The following HAUS7 variants were observed in gnomAD, a reference collection of about 807,000 sequenced individuals.
HAUS7 encodes the protein HAUS augmin-like complex subunit 7.
Under a neutral mutation model 28.4 loss-of-function variants are expected in HAUS7, and 3 were observed. The observed-to-expected ratio is 0.11, with a 90% CI of 0.05 to 0.27. The LOEUF is 0.27. Among genes scored for constraint, HAUS7 ranks in the 10% least tolerant of loss-of-function variants. The pLI is 1.00. For synonymous variants in HAUS7, 165 were observed against 132.1 expected (o/e 1.25, Z -1.71); for missense variants, 284 against 297.3 (o/e 0.96, Z 0.33).
At chrX:153,461,931 T>G (rs1274486769) in intron 4 of HAUS7, 1 of 401,751 alleles carries the variant, frequency 2.5e-6, no homozygotes, top group Admixed American at 4.8e-5. Context: ...CCAGCCAGTG[T>G]ACATCTCACA....
chrX:153,448,868 C>G (rs1556980630), intron 9 of HAUS7, among the ~76,000 whole-genome samples: 2 of 112,810 alleles, frequency 1.8e-5, no homozygotes, highest in Non-Finnish European at 1.9e-5. Context: ...GCCCACCTGC[C>G]CCCTGCCCCC....
At chrX:153,469,681 T>C (rs1556984850) in intron 1 of HAUS7, among the ~76,000 whole-genome samples, 1 of 112,271 alleles carries the variant, frequency 8.9e-6, no homozygotes, top group Non-Finnish European at 1.9e-5. Flanking sequence ...CGTCCTGCCA[T>C]CTTGCCAAGA....
intron 9 of HAUS7, among the ~76,000 whole-genome samples, chrX:153,448,885 C>T (rs2089202804): frequency 8.9e-6 from 1 of 112,932 alleles, no homozygotes; most frequent in African/African-American, 3.2e-5. Context: ...CCCCCAAGCC[C>T]CAGGGGCAGC....
intron 1 of HAUS7, among the ~76,000 whole-genome samples, chrX:153,493,161 A>G (rs1358183340): frequency 1.8e-5 from 2 of 111,713 alleles, no homozygotes; most frequent in African/African-American, 3.3e-5. Context: ...CAAAAAGAAA[A>G]CCCATACCTT....
intron 1 of HAUS7, among the ~76,000 whole-genome samples, chrX:153,491,707 GGCAACT>G (rs782364410): frequency 6.3e-4 from 71 of 113,089 alleles, no homozygotes; most frequent in Middle Eastern, 4.6e-3. Context: ...CCTGTGCAGG[GGCAACT>G]GCCAGGGCAG....
chrX:153,450,453 C>T (rs2089225020), intron 9 of HAUS7, among the ~76,000 whole-genome samples: 1 of 112,120 alleles, frequency 8.9e-6, no homozygotes, highest in Admixed American at 9.4e-5. Flanking sequence ...TCCCTGGCAC[C>T]CCGCTGCCCC....
chrX:153,449,167 G>A (rs1034368957), intron 9 of HAUS7, among the ~76,000 whole-genome samples: 11 of 111,710 alleles, frequency 9.8e-5, no homozygotes, highest in Non-Finnish European at 1.7e-4. Context: ...CTGCCTGTCC[G>A]CTCCCCATCC....
chrX:153,447,846 G>C lies in HAUS7; in HGVS notation c.*32C>G, dbSNP rs372048129. 8.7e-7 allele frequency: 1 copy of C among 1,150,373 alleles called. No homozygotes were observed. Among genetic ancestry groups the C allele is most frequent in the African/African-American group, 1.8e-5 (1 of 56,585 alleles). The allele number at this position is 1,150,373 out of a possible 1,213,427, so 94.8% of individuals were successfully genotyped here. On this transcript the variant is annotated 3_prime_UTR_variant, in exon 10 of 10. Coordinates refer to ENST00000370211, the MANE Select transcript of HAUS7 (RefSeq NM_001385482.1). Reference sequence around the variant, plus strand: ...GAGGGCTTCCTGCCCGCCCCATCCTGTGCTTTGGCGTAGGCCATCACTGAA... The same window carrying C: ...GAGGGCTTCCTGCCCGCCCCATCCTCTGCTTTGGCGTAGGCCATCACTGAA...
chrX:153,477,544 T>C (rs1384859092), intron 1 of HAUS7, among the ~76,000 whole-genome samples: 1 of 112,894 alleles, frequency 8.9e-6, no homozygotes, highest in Non-Finnish European at 1.9e-5. Context: ...TCGACTGTGC[T>C]CTGTCTTGCA....
intron 1 of HAUS7, chrX:153,486,859 G>GGA: frequency 1.1e-6 from 1 of 950,543 alleles, no homozygotes; most frequent in Non-Finnish European, 1.4e-6. Context: ...TCGAGGGGGT[G>GGA]GAGGGGCAGG....
chrX:153,469,536 C>T (rs1282033115), intron 1 of HAUS7, among the ~76,000 whole-genome samples: 1 of 112,662 alleles, frequency 8.9e-6, no homozygotes, highest in African/African-American at 3.2e-5. Context: ...CCATGTTGGC[C>T]AGGCTGGTGT....
chrX:153,477,811 G>A (rs907171072), intron 1 of HAUS7, among the ~76,000 whole-genome samples: 1 of 112,450 alleles, frequency 8.9e-6, no homozygotes, highest in Non-Finnish European at 1.9e-5. Flanking sequence ...CAGAGCCCTG[G>A]ATGGCGAGGG....
At chrX:153,466,236 T>C (rs2089453693) in intron 2 of HAUS7, among the ~76,000 whole-genome samples, 1 of 112,782 alleles carries the variant, frequency 8.9e-6, no homozygotes, top group Non-Finnish European at 1.9e-5. Context: ...AGAACATCTC[T>C]GAGCACAAGG....
At chrX:153,460,190 A>G (rs1264971953) in intron 4 of HAUS7, among the ~76,000 whole-genome samples, 1 of 112,216 alleles carries the variant, frequency 8.9e-6, no homozygotes, top group Non-Finnish European at 1.9e-5. Flanking sequence ...AAGGCCACAC[A>G]TTCCAGCATT....
chrX:153,494,587 C>T (rs375824941), intron 1 of HAUS7, among the ~76,000 whole-genome samples: 79 of 112,101 alleles, frequency 7.0e-4, no homozygotes, highest in African/African-American at 2.3e-3. Context: ...GCCTCCCCCT[C>T]GTCTTTCTTC....
intron 2 of HAUS7, among the ~76,000 whole-genome samples, chrX:153,468,058 C>T (rs998655300): frequency 1.8e-5 from 2 of 112,331 alleles, no homozygotes; most frequent in Non-Finnish European, 3.8e-5. Context: ...CTGTGCTGAG[C>T]CCTGGGGAGA....
At chrX:153,456,411 T>C in intron 6 of HAUS7, 47 bp from the exon 7 acceptor site, 1 of 1,177,639 alleles carries the variant, frequency 8.5e-7, no homozygotes, top group African/African-American at 1.8e-5. Flanking sequence ...CTGCCAGGGG[T>C]GTCTGCAGTA....
At chrX:153,491,422 C>T (rs1556989558) in intron 1 of HAUS7, among the ~76,000 whole-genome samples, 1 of 112,830 alleles carries the variant, frequency 8.9e-6, no homozygotes, top group East Asian at 2.8e-4. Flanking sequence ...CTGCAGCTGA[C>T]TCCAGGTCCT....
intron 4 of HAUS7, among the ~76,000 whole-genome samples, chrX:153,458,494 C>T (rs782383014): frequency 2.7e-5 from 3 of 112,921 alleles, no homozygotes; most frequent in South Asian, 7.2e-4. Flanking sequence ...ATACATTCAC[C>T]AGCTGATGGA....
Sources: gnomAD v4.1 joint callset for allele counts (sites outside exome capture counted in the v4.1 genomes callset) on GRCh38, gnomAD v4.1.1 for gene constraint, MANE v1.5 for transcripts, NCBI Gene and HGNC (gene_info 2026-07-23, HGNC 2026-07-21) for gene names.